Variants in TRMT11 observed in about 807,000 individuals in gnomAD.
The protein encoded by TRMT11 is tRNA (guanine(10)-N(2))-methyltransferase TRMT11.
Under a neutral mutation model 62.8 loss-of-function variants are expected in TRMT11, and 53 were observed. The observed-to-expected ratio is 0.84, with a 90% confidence interval of 0.68 to 1.06. TRMT11 has a LOEUF of 1.06. Among genes scored for constraint, TRMT11 ranks in the 50% least tolerant of loss-of-function variants. The pLI is 0.00. For missense variants in TRMT11, 556 were observed against 553.4 expected, an observed-to-expected ratio of 1.00 and a Z score of -0.05; for synonymous variants, 188 against 190.3, an observed-to-expected ratio of 0.99 and a Z score of 0.10.
chr6:126,247,441 ATATCTATCTATCTATCTATC>A, the TRMT11 span, among the ~76,000 whole-genome samples: 9 of 132,500 alleles, frequency 6.8e-5, no homozygotes, highest in Non-Finnish European at 9.2e-5. Flanking sequence ...GACACAGAAC[ATATCTATCTATCTATCTATC>A]TATCTATCTA....
chr6:126,093,625 A>ATTTTTTTTTTTTTTTTT (rs1483189635), intron 17 of TRMT11, among the ~76,000 whole-genome samples: 4 of 103,520 alleles, frequency 3.9e-5, no homozygotes, highest in African/African-American at 1.9e-4. Flanking sequence ...ATATATATAT[A>ATTTTTTTTTTTTTTTTT]TATATATTTT....
At chr6:126,111,511 A>G (rs975016850) in intron 17 of TRMT11, among the ~76,000 whole-genome samples, 1 of 152,118 alleles carries the variant, frequency 6.6e-6, no homozygotes, top group East Asian at 1.9e-4. Flanking sequence ...AGCTTTGCTA[A>G]TTACATGGTT....
upstream of TRMT11, among the ~76,000 whole-genome samples, chr6:126,173,905 G>A (rs1269203313): frequency 6.6e-6 from 1 of 152,098 alleles, no homozygotes; most frequent in Admixed American, 6.6e-5. Flanking sequence ...GAATGTCTGG[G>A]GAACAGAAGA....
the TRMT11 span, among the ~76,000 whole-genome samples, chr6:126,244,695 ACT>A: frequency 6.6e-6 from 1 of 152,090 alleles, no homozygotes; most frequent in Non-Finnish European, 1.5e-5. Context: ...CAGTTTCGAC[ACT>A]CTGTCTGACT....
chr6:126,103,341 A>C (rs1777424407), intron 17 of TRMT11, among the ~76,000 whole-genome samples: 1 of 152,248 alleles, frequency 6.6e-6, no homozygotes, highest in African/African-American at 2.4e-5. Flanking sequence ...ACCACAATGC[A>C]CAATTGAGTT....
chr6:126,055,807 C>A (rs1337901667), intron 17 of TRMT11, among the ~76,000 whole-genome samples: 1 of 152,138 alleles, frequency 6.6e-6, no homozygotes, highest in African/African-American at 2.4e-5. Flanking sequence ...TTCTATAGTC[C>A]ATTTTTAAAG....
intron 17 of TRMT11, among the ~76,000 whole-genome samples, chr6:126,088,293 A>G (rs1777236926): frequency 6.6e-6 from 1 of 152,226 alleles, no homozygotes. Flanking sequence ...ATCCCTGTAT[A>G]TAACAAGTAT....
chr6:126,060,289 T>A (rs145409145), intron 17 of TRMT11, among the ~76,000 whole-genome samples: 48 of 152,358 alleles, frequency 3.2e-4, no homozygotes, highest in African/African-American at 1.1e-3. Context: ...ACATTGAGGA[T>A]TGTTTTCTCG....
intron 21 of TRMT11, among the ~76,000 whole-genome samples, chr6:126,165,325 G>A (rs553796906): frequency 6.6e-6 from 1 of 151,524 alleles, no homozygotes; most frequent in Admixed American, 6.6e-5. Flanking sequence ...CTGTCATTAT[G>A]ATGCTAGCTG....
intron 9 of TRMT11, 64 bp downstream of exon 9, chr6:126,011,481 G>A (rs1356936538): frequency 1.5e-5 from 22 of 1,436,878 alleles, no homozygotes; most frequent in Non-Finnish European, 2.0e-5. Context: ...TACATTTAAA[G>A]TACAAAATTT....
At chr6:126,007,319 C>A (rs939208032) in intron 7 of TRMT11, among the ~76,000 whole-genome samples, 1 of 151,904 alleles carries the variant, frequency 6.6e-6, no homozygotes, top group Non-Finnish European at 1.5e-5. Flanking sequence ...TGGATCTTGA[C>A]CCTCCAGAGG....
At chr6:126,195,290 TG>T (rs1174059467) in intron 1 of TRMT11, among the ~76,000 whole-genome samples, 1 of 152,250 alleles carries the variant, frequency 6.6e-6, no homozygotes, top group Non-Finnish European at 1.5e-5. Flanking sequence ...TAAATCATGA[TG>T]AAAATAAGAT....
chr6:126,071,223 G>A (rs1041994451), intron 17 of TRMT11, among the ~76,000 whole-genome samples: 3 of 152,016 alleles, frequency 2.0e-5, no homozygotes, highest in Admixed American at 6.6e-5. Context: ...GTTTCCTTGG[G>A]GGGGTGGGGG....
downstream of TRMT11, among the ~76,000 whole-genome samples, chr6:126,206,264 G>A (rs1013894808): frequency 6.6e-6 from 1 of 152,198 alleles, no homozygotes; most frequent in Non-Finnish European, 1.5e-5. Context: ...ATCTAGGACA[G>A]TGCATCTCAA....
At chr6:126,051,533 T>C (rs1776218572) in intron 16 of TRMT11, among the ~76,000 whole-genome samples, 1 of 152,160 alleles carries the variant, frequency 6.6e-6, no homozygotes, top group Non-Finnish European at 1.5e-5. Flanking sequence ...TGATAGTGGT[T>C]TGTCATGGAG....
chr6:126,270,193 C>G, the TRMT11 span, among the ~76,000 whole-genome samples: 1 of 152,158 alleles, frequency 6.6e-6, no homozygotes, highest in Non-Finnish European at 1.5e-5. Flanking sequence ...ATCTTACATT[C>G]TTTTAGTAGG....
Position 126,093,631 on chromosome 6 carries a change from A to ATTTTTTTTTTTTTTTT in TRMT11, c.*1438-19231_*1438-19230insTTTTTTTTTTTTTTTT, listed in dbSNP as rs145963759. ...TATATATATATATATATATATATAT[A>ATTTTTTTTTTTTTTTT]TTTTCCCCCAGTCCTGGAGGATCAA... On this transcript the variant is annotated intron_variant and NMD_transcript_variant, in intron 17 of 22. Coordinates refer to the TRMT11 transcript ENST00000648977. Among the ~76,000 whole-genome samples, 79 of 98,006 alleles carry ATTTTTTTTTTTTTTTT rather than the reference A, an allele frequency of 8.1e-4. 5 individuals are homozygous for ATTTTTTTTTTTTTTTT. The highest frequency in any genetic ancestry group is 3.3e-3 in the African/African-American group (76 of 22,918). 64.3% of individuals were successfully genotyped at this position (98,006 alleles called of 152,430 possible).
chr6:126,178,394 C>T (rs765887017), intron 1 of TRMT11, among the ~76,000 whole-genome samples: 40 of 152,280 alleles, frequency 2.6e-4, no homozygotes, highest in Non-Finnish European at 1.3e-4. Context: ...TTGCAGCTTG[C>T]CTTCTTTGTT....
Position 126,005,757 on chromosome 6 carries a change from C to A in TRMT11, c.680-2635C>A, listed in dbSNP as rs181050037. Among the ~76,000 whole-genome samples the A allele has an allele frequency of 2.0e-4, 31 of 152,040 alleles. No homozygotes were observed. In the East Asian group the frequency reaches 6.0e-3, roughly 29 times the overall value. ...AATATAAAATTATAAATGTCAAATT[C>A]TTTGTTTATAATTAATATGTGCAAG... On this transcript the variant is annotated intron_variant, in intron 7 of 12. Transcript: ENST00000334379.
Sources: gnomAD v4.1 joint callset for allele counts (sites outside exome capture counted in the v4.1 genomes callset) on GRCh38, gnomAD v4.1.1 for gene constraint, MANE v1.5 for transcripts, NCBI Gene and HGNC (gene_info 2026-07-23, HGNC 2026-07-21) for gene names.